The following DLGAP2 variants were observed in gnomAD, a reference collection of about 807,000 sequenced individuals.
DLGAP2 encodes the protein DLG associated protein 2.
DLGAP2 carries 26 observed loss-of-function variants against 100.3 expected under a neutral mutation model. The ratio of observed to expected loss-of-function variants is 0.26; its 90% CI spans 0.19 to 0.36. The LOEUF (loss-of-function observed/expected upper bound fraction) is 0.36, where lower values mean the gene tolerates loss of function less well. Among genes scored for constraint, DLGAP2 ranks in the 10% least tolerant of loss-of-function variants. The probability of loss-of-function intolerance (pLI) is 1.00; values close to 1 mark genes in which losing one functional copy is unlikely to be tolerated. For synonymous variants in DLGAP2, 886 were observed against 630.1 expected (o/e 1.41, Z -6.08); for missense variants, 1,858 against 1,453.2 (o/e 1.28, Z -4.53).
intron 4 of DLGAP2, among the ~76,000 whole-genome samples, chr8:1,530,719 C>T (rs1480724884): frequency 2.6e-5 from 4 of 152,236 alleles, no homozygotes; most frequent in African/African-American, 9.6e-5. Context: ...GAAATCTTCA[C>T]AATCCACGTT....
chr8:1,547,154 G>A (rs977516093), intron 4 of DLGAP2, among the ~76,000 whole-genome samples: 2 of 152,140 alleles, frequency 1.3e-5, no homozygotes, highest in Non-Finnish European at 2.9e-5. Flanking sequence ...AGACTCACAG[G>A]GACGTGCGGA....
chr8:1,586,261 C>G (rs186639999), intron 6 of DLGAP2, among the ~76,000 whole-genome samples: 1 of 152,296 alleles, frequency 6.6e-6, no homozygotes, highest in East Asian at 1.9e-4. Flanking sequence ...TCTTTCACAT[C>G]AAGATGTTAC....
intron 1 of DLGAP2, among the ~76,000 whole-genome samples, chr8:794,963 C>G (rs1473338488): frequency 6.6e-6 from 1 of 152,174 alleles, no homozygotes; most frequent in African/African-American, 2.4e-5. Flanking sequence ...TTGTCCATCC[C>G]TCCAGGTGAC....
At chr8:1,363,756 C>T (rs942364005) in intron 3 of DLGAP2, among the ~76,000 whole-genome samples, 5 of 152,212 alleles carry the variant, frequency 3.3e-5, no homozygotes, top group African/African-American at 1.2e-4. Flanking sequence ...GGCTGAGATG[C>T]ATCCTTGCTG....
intron 1 of DLGAP2, among the ~76,000 whole-genome samples, chr8:877,085 A>G (rs1451449219): frequency 6.7e-6 from 1 of 149,272 alleles, no homozygotes; most frequent in Non-Finnish European, 1.5e-5. Context: ...GAACATCTTT[A>G]TGACTCCTTT....
At chr8:1,458,100 G>T (rs374613489) in intron 3 of DLGAP2, among the ~76,000 whole-genome samples, 1 of 149,070 alleles carries the variant, frequency 6.7e-6, no homozygotes, top group African/African-American at 2.5e-5. Context: ...TAGAGACGGG[G>T]TTTCACCATG....
chr8:795,493 G>T (rs1249185719), intron 1 of DLGAP2, among the ~76,000 whole-genome samples: 1 of 152,184 alleles, frequency 6.6e-6, no homozygotes, highest in African/African-American at 2.4e-5. Context: ...ACCAAATCTG[G>T]ACCAAATAAA....
At chr8:1,574,525 G>A (rs375540201) in intron 6 of DLGAP2, among the ~76,000 whole-genome samples, 1 of 152,158 alleles carries the variant, frequency 6.6e-6, no homozygotes, top group Non-Finnish European at 1.5e-5. Context: ...CCTCGGTGAT[G>A]AGTCACCTCC....
At chr8:739,142 G>C (rs1420992102) in intron 1 of DLGAP2, 4 of 152,566 alleles carry the variant, frequency 2.6e-5, no homozygotes, top group Admixed American at 1.3e-4. Context: ...AACTCGGCCA[G>C]CCCGGGCTGT....
chr8:918,718 A>G (rs1418250808), intron 2 of DLGAP2, among the ~76,000 whole-genome samples: 1 of 152,244 alleles, frequency 6.6e-6, no homozygotes, highest in Non-Finnish European at 1.5e-5. Flanking sequence ...TAACTAAGAT[A>G]ATGTTGTTCC....
chr8:1,106,862 A>C (rs909209464), intron 2 of DLGAP2, among the ~76,000 whole-genome samples: 2 of 152,182 alleles, frequency 1.3e-5, no homozygotes, highest in Non-Finnish European at 2.9e-5. Flanking sequence ...TTCAAAAGCA[A>C]ATTATCAAAT....
Position 1,707,254 on chromosome 8 carries a change from C to A in DLGAP2, c.*5848C>A, listed in dbSNP as rs979121865. 5.9e-5 allele frequency: 9 copies of A among 152,580 alleles called. No individual in the cohort carries two copies. Among genetic ancestry groups the A allele is most frequent in the African/African-American group, 2.2e-4 (9 of 41,440 alleles). The allele number at this position is 152,580 out of a possible 1,614,324, so 9.5% of individuals were successfully genotyped here. ...GTGATAATGAATGAAAAGATTGACA[C>A]CAGGTTTCTTGGACAAATTTAAGTT... On this transcript the variant is annotated 3_prime_UTR_variant, in exon 15 of 15. Transcript: ENST00000637795.
chr8:1,674,802 CT>C (rs1241976765), intron 10 of DLGAP2, among the ~76,000 whole-genome samples: 3 of 152,214 alleles, frequency 2.0e-5, no homozygotes, highest in African/African-American at 7.2e-5. Flanking sequence ...GCACTGAAGG[CT>C]CATTAAATGC....
chr8:919,319 T>A (rs1159600261), intron 2 of DLGAP2, among the ~76,000 whole-genome samples: 1 of 152,194 alleles, frequency 6.6e-6, no homozygotes, highest in Non-Finnish European at 1.5e-5. Context: ...GAGACAGAGC[T>A]GCCGACATCA....
At chr8:1,237,047 C>A (rs1293494728) in intron 2 of DLGAP2, among the ~76,000 whole-genome samples, 2 of 143,498 alleles carry the variant, frequency 1.4e-5, no homozygotes, top group Admixed American at 7.0e-5. Flanking sequence ...CTAGTTCTCT[C>A]ACATGGCACC....
At chr8:1,515,429 GAC>G (rs1563195855) in intron 4 of DLGAP2, among the ~76,000 whole-genome samples, 1 of 146,700 alleles carries the variant, frequency 6.8e-6, no homozygotes, top group African/African-American at 2.6e-5. Flanking sequence ...CACACACGCA[GAC>G]ACATGCACAC....
intron 2 of DLGAP2, among the ~76,000 whole-genome samples, chr8:1,204,351 G>C (rs537691652): frequency 3.9e-5 from 6 of 152,232 alleles, no homozygotes; most frequent in African/African-American, 1.4e-4. Flanking sequence ...GGAAGAACCC[G>C]GGGATTCTGG....
At chr8:1,208,275 A>G (rs544516473) in intron 2 of DLGAP2, among the ~76,000 whole-genome samples, 2 of 152,216 alleles carry the variant, frequency 1.3e-5, no homozygotes, top group Admixed American at 6.5e-5. Context: ...TCATTCTTCT[A>G]TATGTGGCTT....
intron 12 of DLGAP2, among the ~76,000 whole-genome samples, chr8:1,679,631 A>G (rs1798895689): frequency 6.6e-6 from 1 of 152,216 alleles, no homozygotes; most frequent in African/African-American, 2.4e-5. Context: ...CTCCACATGG[A>G]AGGGGACAGC....
Sources: allele counts gnomAD v4.1 joint callset (sites outside exome capture counted in the v4.1 genomes callset), GRCh38; gene constraint gnomAD v4.1.1; transcripts MANE v1.5; gene names NCBI Gene and HGNC (gene_info 2026-07-23, HGNC 2026-07-21).